EPC1: variants seen among roughly 807,000 people sequenced by gnomAD.
EPC1 encodes enhancer of polycomb homolog 1.
A neutral mutation model predicts 98.4 loss-of-function variants in EPC1; 12 were observed. The observed-to-expected ratio is 0.12, with a 90% CI of 0.08 to 0.20. The LOEUF (loss-of-function observed/expected upper bound fraction) is 0.20, where lower values mean the gene tolerates loss of function less well. Ranked by LOEUF, EPC1 falls within the 10% of genes least tolerant of loss-of-function variation. The probability of loss-of-function intolerance (pLI) is 1.00; values close to 1 mark genes in which losing one functional copy is unlikely to be tolerated. For synonymous variants in EPC1, 357 were observed against 363.9 expected, an observed-to-expected ratio of 0.98 and a Z score of 0.21; for missense variants, 729 against 990.5, an observed-to-expected ratio of 0.74 and a Z score of 3.54.
chr10:32,287,131 G>A lies in EPC1; in HGVS notation c.1119C>T (p.Asp373=), dbSNP rs1450911103. The change falls in exon 7 of 14, where the codon GAC becomes GAT. Residue 373 remains aspartate (D), a synonymous_variant. Coordinates refer to ENST00000319778, the MANE Select transcript of EPC1 (RefSeq NM_001272004.3). ...VFNAKDLNQY[D]FPSSDEEPLS... ...GAGGTTCTTCGTCTGAGCTGGGAAAGTCATACTGATTCAGATCTTTAGCAT... is the reference window on the plus strand; with the variant it reads ...GAGGTTCTTCGTCTGAGCTGGGAAAATCATACTGATTCAGATCTTTAGCAT... The A allele has an allele frequency of 6.2e-7, 1 of 1,614,226 alleles. No homozygotes were observed. Among genetic ancestry groups the A allele is most frequent in the Admixed American group, 1.7e-5 (1 of 60,024 alleles).
chr10:32,307,844 G>A (rs1038055486), intron 1 of EPC1, among the ~76,000 whole-genome samples: 10 of 152,174 alleles, frequency 6.6e-5, no homozygotes, highest in South Asian at 2.1e-4. Context: ...GAGAGAGTAC[G>A]GAAGCAAGAC....
intron 1 of EPC1, among the ~76,000 whole-genome samples, chr10:32,318,571 C>T (rs987218477): frequency 6.6e-6 from 1 of 152,176 alleles, no homozygotes; most frequent in African/African-American, 2.4e-5. Flanking sequence ...CCACAGACAT[C>T]TCTCACATAA....
At chr10:32,345,578 T>C (rs917519372) in intron 1 of EPC1, 24 of 985,284 alleles carry the variant, frequency 2.4e-5, no homozygotes, top group Non-Finnish European at 2.9e-5. Flanking sequence ...AACCAAGGTA[T>C]GCAATTCCTT....
At chr10:32,352,112 T>G (rs1839131037), upstream of EPC1, among the ~76,000 whole-genome samples, 17 of 147,920 alleles carry the variant, frequency 1.1e-4, no homozygotes, top group Admixed American at 1.2e-3. Flanking sequence ...TGGCGCAATC[T>G]CGGCTCACTG....
intron 1 of EPC1, among the ~76,000 whole-genome samples, chr10:32,363,993 C>A (rs1839518116): frequency 9.1e-6 from 1 of 109,292 alleles, no homozygotes; most frequent in Non-Finnish European, 1.9e-5. Flanking sequence ...TCGTGTCCAT[C>A]ATGTTGGCAT....
chr10:32,271,878 G>A lies in EPC1; in HGVS notation c.2045C>T (p.Thr682Ile), dbSNP rs192787659. Reference sequence around the variant, plus strand: ...TGATGGACTTGTATGTACAAGTGCTGTTGGTGTAGTACTACTGAGGTGTAA... The same window carrying A: ...TGATGGACTTGTATGTACAAGTGCTATTGGTGTAGTACTACTGAGGTGTAA... Reference protein sequence around the residue: ...KGLHLSSTTPTALVHTSPSTA... With the variant: ...KGLHLSSTTPIALVHTSPSTA... The change falls in exon 13 of 14, where the codon ACA becomes ATA. Residue 682 changes from threonine (T) to isoleucine (I), a missense_variant. Coordinates refer to ENST00000319778, the MANE Select transcript of EPC1 (RefSeq NM_001272004.3). 8 of 1,614,116 alleles carry A rather than the reference G, an allele frequency of 5.0e-6. No homozygotes were observed. Among genetic ancestry groups the A allele is most frequent in the Non-Finnish European group, 6.8e-6 (8 of 1,179,984 alleles).
At chr10:32,290,483 C>CAAAGAAAAAAAAAAAA (rs1836935766) in intron 6 of EPC1, among the ~76,000 whole-genome samples, 1 of 40,160 alleles carries the variant, frequency 2.5e-5, no homozygotes, top group African/African-American at 1.3e-4. Context: ...AAGACTCTGT[C>CAAAGAAAAAAAAAAAA]AAAAAAAAAA....
intron 2 of EPC1, among the ~76,000 whole-genome samples, chr10:32,295,527 GCAATCATGGGCCCTCCAATGATTTTCCAT>G (rs1448995851): frequency 1.3e-5 from 2 of 152,230 alleles, no homozygotes; most frequent in East Asian, 3.9e-4. Context: ...CACAGTACCT[GCAATCATGGGCCCTCCAATGATTTTCCAT>G]CATCTCATTT....
chr10:32,374,071 G>A (rs1003817268), intron 1 of EPC1, among the ~76,000 whole-genome samples: 3 of 152,108 alleles, frequency 2.0e-5, no homozygotes, highest in African/African-American at 4.8e-5. Context: ...CAATTCATCT[G>A]TATAGAAATA....
chr10:32,288,312 C>CTTTTTT (rs5784278), intron 6 of EPC1, among the ~76,000 whole-genome samples: 19 of 124,076 alleles, frequency 1.5e-4, no homozygotes, highest in African/African-American at 2.2e-4. Context: ...TTACTTTTTT[C>CTTTTTT]TTTTTTTTTT....
chr10:32,300,383 T>A (rs112252031), intron 2 of EPC1, among the ~76,000 whole-genome samples: 5,301 of 151,448 alleles, frequency 0.035, 322 homozygotes, highest in African/African-American at 0.12. Flanking sequence ...TCCTAATGCT[T>A]TCCCTCCCGC....
intron 4 of EPC1, 42 bp downstream of exon 4, chr10:32,292,946 T>C: frequency 2.4e-6 from 3 of 1,266,006 alleles, no homozygotes; most frequent in Non-Finnish European, 3.2e-6. Context: ...ATAAATAATT[T>C]TTATTATATA....
chr10:32,333,805 G>C (rs991764609), intron 1 of EPC1, among the ~76,000 whole-genome samples: 1 of 152,206 alleles, frequency 6.6e-6, no homozygotes. Flanking sequence ...GCTCAAGGTA[G>C]TAACGGGCGT....
At chr10:32,337,807 A>G (rs1042527757) in intron 1 of EPC1, among the ~76,000 whole-genome samples, 2 of 151,286 alleles carry the variant, frequency 1.3e-5, no homozygotes, top group African/African-American at 4.9e-5. Flanking sequence ...TATTTCTTCT[A>G]CTCCAGCTGG....
chr10:32,360,662 G>C (rs751921798), intron 1 of EPC1, among the ~76,000 whole-genome samples: 1 of 152,210 alleles, frequency 6.6e-6, no homozygotes, highest in Non-Finnish European at 1.5e-5. Context: ...GGGAGGCCAA[G>C]GTGGGTGGAT....
rs780070030 is a variant in EPC1, at chr10:32,269,100, T to G, written c.2405A>C (p.Asn802Thr). The change falls in exon 14 of 14, where the codon AAC becomes ACC. Residue 802 changes from asparagine (N) to threonine (T), a missense_variant. Coordinates refer to ENST00000319778, the MANE Select transcript of EPC1 (RefSeq NM_001272004.3). The part of the protein sequence containing the change: ...NHESEKPALN[N>T]IADNTVAMEV... ...CATCGCTACTGTGTTGTCTGCTATG[T>G]TGTTCAGTGCTGGCTTTTCTGATTC... The G allele has an allele frequency of 5.0e-6, 8 of 1,613,968 alleles. No homozygotes were observed. In the Admixed American group the frequency reaches 1.3e-4, roughly 27 times the overall value.
intron 10 of EPC1, among the ~76,000 whole-genome samples, chr10:32,275,452 T>C (rs770658292): frequency 1.3e-5 from 2 of 151,620 alleles, no homozygotes; most frequent in Non-Finnish European, 2.9e-5. Flanking sequence ...GGCAAGATGG[T>C]GAAACCCCGT....
chr10:32,343,148 G>A (rs1205941913), intron 1 of EPC1, among the ~76,000 whole-genome samples: 1 of 151,960 alleles, frequency 6.6e-6, no homozygotes, highest in Admixed American at 6.6e-5. Context: ...ATTTCGCTGT[G>A]ATTTAAGTCA....
At chr10:32,368,483 T>C (rs1839661806) in intron 1 of EPC1, among the ~76,000 whole-genome samples, 1 of 152,244 alleles carries the variant, frequency 6.6e-6, no homozygotes, top group African/African-American at 2.4e-5. Flanking sequence ...AGTTTACCCA[T>C]CCTTCAAGGT....
Sources: allele counts gnomAD v4.1 joint callset (sites outside exome capture counted in the v4.1 genomes callset), GRCh38; gene constraint gnomAD v4.1.1; transcripts MANE v1.5; gene names NCBI Gene and HGNC (gene_info 2026-07-23, HGNC 2026-07-21).